The following VAT1L variants were observed in gnomAD, a reference collection of about 807,000 sequenced individuals.
The protein encoded by VAT1L is vesicle amine transport 1 like.
VAT1L carries 34 observed loss-of-function variants against 44.1 expected under a neutral mutation model. The observed-to-expected ratio is 0.77, with a 90% CI of 0.59 to 1.03. VAT1L has a LOEUF of 1.03. Ranked by LOEUF, VAT1L falls within the 50% of genes least tolerant of loss-of-function variation. VAT1L has a pLI of 0.00. For missense variants in VAT1L, 615 were observed against 538.8 expected (o/e 1.14, Z -1.40); for synonymous variants, 253 against 202.2 (o/e 1.25, Z -2.13).
At chr16:77,836,076 T>C (rs1260619139) in intron 3 of VAT1L, among the ~76,000 whole-genome samples, 1 of 152,166 alleles carries the variant, frequency 6.6e-6, no homozygotes, top group Non-Finnish European at 1.5e-5. Flanking sequence ...TAGGTATTAC[T>C]TGTGAACTTG....
chr16:77,910,405 G>A (rs529559577), intron 7 of VAT1L, among the ~76,000 whole-genome samples: 4 of 152,302 alleles, frequency 2.6e-5, no homozygotes, highest in Admixed American at 2.0e-4. Context: ...AGGCGTGGTG[G>A]CTCATGCCTG....
intron 1 of VAT1L, among the ~76,000 whole-genome samples, chr16:77,802,667 CACT>C (rs202029741): frequency 0.019 from 2,465 of 131,624 alleles, 47 homozygotes; most frequent in East Asian, 0.038. Context: ...CACACACACA[CACT>C]AAAGTTGCAT....
chr16:77,934,165 G>T (rs1172554744), intron 7 of VAT1L, among the ~76,000 whole-genome samples: 1 of 152,072 alleles, frequency 6.6e-6, no homozygotes, highest in Non-Finnish European at 1.5e-5. Flanking sequence ...TTAGATTCAG[G>T]ATATATTCTG....
intron 3 of VAT1L, among the ~76,000 whole-genome samples, chr16:77,839,173 G>T (rs1428163430): frequency 6.6e-6 from 1 of 152,130 alleles, no homozygotes; most frequent in Non-Finnish European, 1.5e-5. Context: ...GAGGACTGAT[G>T]TCTGAAGGAG....
intron 7 of VAT1L, among the ~76,000 whole-genome samples, chr16:77,951,270 G>A (rs1306143291): frequency 6.6e-6 from 1 of 152,234 alleles, no homozygotes; most frequent in Non-Finnish European, 1.5e-5. Flanking sequence ...CAAGGTCCGG[G>A]TGTAGTGGCT....
At chr16:77,797,109 C>T (rs975450170) in intron 1 of VAT1L, among the ~76,000 whole-genome samples, 1 of 149,336 alleles carries the variant, frequency 6.7e-6, no homozygotes, top group Admixed American at 6.6e-5. Context: ...CACTTGTACC[C>T]TTAAATCTTT....
chr16:77,857,391 A>G (rs1274518762), intron 3 of VAT1L, among the ~76,000 whole-genome samples: 2 of 152,178 alleles, frequency 1.3e-5, no homozygotes, highest in East Asian at 3.9e-4. Context: ...CAGATTTTCT[A>G]TAAATGTGTG....
At chr16:77,970,436 T>C (rs1249672928) in intron 7 of VAT1L, among the ~76,000 whole-genome samples, 1 of 152,248 alleles carries the variant, frequency 6.6e-6, no homozygotes, top group Non-Finnish European at 1.5e-5. Context: ...TTTATGGAGC[T>C]AGAGATTAAA....
At chr16:77,823,741 G>C (rs1332638619) in intron 2 of VAT1L, among the ~76,000 whole-genome samples, 1 of 152,206 alleles carries the variant, frequency 6.6e-6, no homozygotes, top group Admixed American at 6.5e-5. Context: ...CCTCTCAGCT[G>C]GGTACAGTGG....
At chr16:77,971,162 G>T (rs74707224) in intron 7 of VAT1L, among the ~76,000 whole-genome samples, 1 of 152,022 alleles carries the variant, frequency 6.6e-6, no homozygotes, top group Admixed American at 6.6e-5. Context: ...CACCTCAACA[G>T]TTGGAATTCC....
chr16:77,844,800 T>G (rs933309799), intron 3 of VAT1L, among the ~76,000 whole-genome samples: 8 of 152,100 alleles, frequency 5.3e-5, no homozygotes, highest in African/African-American at 1.9e-4. Flanking sequence ...TGGGGATGGC[T>G]ATATATACAC....
chr16:77,811,991 C>T (rs771571126), intron 1 of VAT1L, among the ~76,000 whole-genome samples: 8 of 152,148 alleles, frequency 5.3e-5, no homozygotes, highest in Non-Finnish European at 8.8e-5. Context: ...CAGCCAAACT[C>T]CACCGCTAAT....
At chr16:77,925,447 A>G (rs994406875) in intron 7 of VAT1L, among the ~76,000 whole-genome samples, 3 of 152,126 alleles carry the variant, frequency 2.0e-5, no homozygotes, top group African/African-American at 7.2e-5. Context: ...AATACCCCTT[A>G]GTGGAAAGGG....
intron 7 of VAT1L, among the ~76,000 whole-genome samples, chr16:77,916,451 C>A (rs2017553034): frequency 6.6e-6 from 1 of 152,088 alleles, no homozygotes; most frequent in Admixed American, 6.6e-5. Flanking sequence ...TACTCTCTCT[C>A]CACTGGGTTT....
intron 7 of VAT1L, among the ~76,000 whole-genome samples, chr16:77,965,465 G>A (rs565648653): frequency 6.6e-6 from 1 of 152,316 alleles, no homozygotes; most frequent in African/African-American, 2.4e-5. Context: ...TTTGAGCTTA[G>A]AATGTTGGCA....
chr16:77,943,820 T>C (rs1474840157), intron 7 of VAT1L, among the ~76,000 whole-genome samples: 1 of 152,188 alleles, frequency 6.6e-6, no homozygotes, highest in Admixed American at 6.5e-5. Context: ...TCACATAGCA[T>C]GTGGCAGTTA....
At chr16:77,942,285 T>C (rs368308065) in intron 7 of VAT1L, among the ~76,000 whole-genome samples, 72 of 152,272 alleles carry the variant, frequency 4.7e-4, no homozygotes, top group African/African-American at 1.6e-3. Flanking sequence ...ATGAGACTTA[T>C]TCACTATCAC....
intron 7 of VAT1L, among the ~76,000 whole-genome samples, chr16:77,901,557 T>C (rs1043213997): frequency 6.6e-6 from 1 of 152,212 alleles, no homozygotes; most frequent in Admixed American, 6.5e-5. Context: ...ACCTGGGTCC[T>C]ATCAAGTGCC....
At chr16:77,899,210 C>A (rs2017355606) in intron 7 of VAT1L, among the ~76,000 whole-genome samples, 1 of 152,206 alleles carries the variant, frequency 6.6e-6, no homozygotes, top group Non-Finnish European at 1.5e-5. Flanking sequence ...GTCAAGGTTA[C>A]ACAGACAAAA....
Sources: allele counts gnomAD v4.1 joint callset (sites outside exome capture counted in the v4.1 genomes callset), GRCh38; gene constraint gnomAD v4.1.1; transcripts MANE v1.5; gene names NCBI Gene and HGNC (gene_info 2026-07-23, HGNC 2026-07-21).